PEX14: variants seen among roughly 807,000 people sequenced by gnomAD.
The protein encoded by PEX14 is peroxisomal biogenesis factor 14.
Under a neutral mutation model 49.5 loss-of-function variants are expected in PEX14, and 15 were observed. The observed-to-expected ratio is 0.30, with a 90% confidence interval of 0.20 to 0.47. PEX14 has a LOEUF of 0.47. PEX14 is among the 20% of genes least tolerant of loss of function. PEX14 has a pLI of 1.00. For missense variants in PEX14, 398 were observed against 494.8 expected (o/e 0.80, Z 1.86); for synonymous variants, 210 against 212.7 (o/e 0.99, Z 0.11).
At chr1:10,476,569 C>T (rs778393491) in intron 1 of PEX14, among the ~76,000 whole-genome samples, 3 of 152,104 alleles carry the variant, frequency 2.0e-5, no homozygotes, top group African/African-American at 7.2e-5. Context: ...GGCGCAATCT[C>T]GGCTCACTGC....
At chr1:10,511,596 T>C (rs1641884898) in intron 2 of PEX14, among the ~76,000 whole-genome samples, 1 of 152,226 alleles carries the variant, frequency 6.6e-6, no homozygotes, top group Non-Finnish European at 1.5e-5. Context: ...CTGTGGACTA[T>C]GGACTCCTGA....
chr1:10,560,718 C>CTTTTTTTTTTTTTTTTTTTTTT (rs34964492), intron 3 of PEX14, among the ~76,000 whole-genome samples: 1 of 129,092 alleles, frequency 7.7e-6, no homozygotes. Context: ...ATTTTGCCAC[C>CTTTTTTTTTTTTTTTTTTTTTT]TTTTTTTTTT....
chr1:10,581,418 G>A (rs952530691), intron 3 of PEX14, among the ~76,000 whole-genome samples: 2 of 146,866 alleles, frequency 1.4e-5, no homozygotes, highest in African/African-American at 2.5e-5. Flanking sequence ...GCAATTCTCT[G>A]TCTCAGCCTC....
chr1:10,566,480 C>A (rs544947120), intron 3 of PEX14, among the ~76,000 whole-genome samples: 6 of 135,662 alleles, frequency 4.4e-5, no homozygotes, highest in African/African-American at 1.6e-4. Flanking sequence ...TCTATCATTT[C>A]TTTTATGACT....
chr1:10,570,372 C>T (rs749633782), intron 3 of PEX14, among the ~76,000 whole-genome samples: 2 of 151,972 alleles, frequency 1.3e-5, no homozygotes, highest in Non-Finnish European at 2.9e-5. Context: ...CTTGCTCTGT[C>T]GCCAGGCTGG....
At chr1:10,515,920 T>A (rs1641961776) in intron 2 of PEX14, among the ~76,000 whole-genome samples, 1 of 152,160 alleles carries the variant, frequency 6.6e-6, no homozygotes, top group African/African-American at 2.4e-5. Context: ...AGCCTCTGTG[T>A]GTTGGGCATA....
At chr1:10,526,084 G>T (rs572595972) in intron 2 of PEX14, among the ~76,000 whole-genome samples, 3 of 151,040 alleles carry the variant, frequency 2.0e-5, no homozygotes, top group Admixed American at 6.6e-5. Context: ...GCCACACCCG[G>T]CTAATTTTTT....
intron 2 of PEX14, among the ~76,000 whole-genome samples, chr1:10,531,532 C>T (rs1288405978): frequency 6.6e-6 from 1 of 152,076 alleles, no homozygotes; most frequent in African/African-American, 2.4e-5. Context: ...TTCTGAGCAG[C>T]GCACGTGGAG....
chr1:10,614,661 G>T (rs927191318), intron 4 of PEX14, among the ~76,000 whole-genome samples: 3 of 152,168 alleles, frequency 2.0e-5, no homozygotes, highest in African/African-American at 7.2e-5. Context: ...CTGCTTTCTT[G>T]CAAGAGGCTT....
At chr1:10,487,541 G>C (rs1342825716) in intron 1 of PEX14, among the ~76,000 whole-genome samples, 1 of 127,982 alleles carries the variant, frequency 7.8e-6, no homozygotes, top group African/African-American at 2.9e-5. Context: ...CTGGAGTGCA[G>C]TGGCGTGATC....
chr1:10,612,478 C>T (rs1180612721), intron 4 of PEX14, among the ~76,000 whole-genome samples: 15 of 152,184 alleles, frequency 9.9e-5, no homozygotes, highest in Admixed American at 9.2e-4. Flanking sequence ...ATGGGATGTA[C>T]GTGTAAATAC....
chr1:10,624,083 G>A (rs919035741), intron 6 of PEX14, among the ~76,000 whole-genome samples: 2 of 152,198 alleles, frequency 1.3e-5, no homozygotes, highest in African/African-American at 4.8e-5. Context: ...AATTAGAGGG[G>A]AGAGGTTCTG....
chr1:10,541,999 T>G (rs904728568), intron 3 of PEX14, among the ~76,000 whole-genome samples: 1 of 152,210 alleles, frequency 6.6e-6, no homozygotes, highest in Non-Finnish European at 1.5e-5. Context: ...AACTGAAGAC[T>G]GATTCTTTTC....
chr1:10,597,601 G>A lies in PEX14; in HGVS notation c.170-1637G>A, dbSNP rs1345199266. Among the ~76,000 whole-genome samples, 1 of 152,190 alleles carries A rather than the reference G, an allele frequency of 6.6e-6. No homozygotes were observed. The highest frequency in any genetic ancestry group is 2.4e-5 in the African/African-American group (1 of 41,432). On this transcript the variant is annotated intron_variant, in intron 3 of 8. Transcript: ENST00000356607. This position sits in a 1 kb window ranked among gnomAD's most constrained non-coding sequence, Gnocchi z 5.7. ...CTTTTGTCTTTGGAAGGTGGTACGT[G>A]ATGCGCTGTGAACCCTGGAAGCATT...
rs925607630 is a variant in PEX14, at chr1:10,495,145, G to A, written c.37-129G>A. The A allele has an allele frequency of 2.4e-5, 38 of 1,556,558 alleles. 1 individual carries two copies. The Admixed American group carries it at 2.8e-4, about 11-fold the overall frequency. ...GTCCACTGCAAAATACTCTTGTGTC[G>A]TGAAAAACCAGTGAGAGATGTGAGA... On this transcript the variant is annotated intron_variant, in intron 1 of 8. Transcript: ENST00000356607. This position sits in a 1 kb window ranked among gnomAD's most constrained non-coding sequence, Gnocchi z 4.2.
chr1:10,516,763 C>A (rs1641976864), intron 2 of PEX14, among the ~76,000 whole-genome samples: 1 of 152,176 alleles, frequency 6.6e-6, no homozygotes, highest in Non-Finnish European at 1.5e-5. Flanking sequence ...AGAAGGAAAA[C>A]CAGTACTTTA....
intron 2 of PEX14, among the ~76,000 whole-genome samples, chr1:10,518,581 A>C (rs1557823127): frequency 6.6e-6 from 1 of 152,236 alleles, no homozygotes; most frequent in East Asian, 1.9e-4. Context: ...ATAGAACACA[A>C]GTGTCCAAGA....
At chr1:10,534,954 A>C (rs1180746046) in intron 2 of PEX14, among the ~76,000 whole-genome samples, 1 of 152,172 alleles carries the variant, frequency 6.6e-6, no homozygotes, top group Non-Finnish European at 1.5e-5. Flanking sequence ...AATATGGGGA[A>C]GGAGATGATT....
chr1:10,584,727 C>T (rs1640429556), intron 3 of PEX14, among the ~76,000 whole-genome samples: 1 of 152,138 alleles, frequency 6.6e-6, no homozygotes, highest in Non-Finnish European at 1.5e-5. Context: ...AAAATACAGA[C>T]ATTTCCAGGC....
Sources: allele counts gnomAD v4.1 joint callset (sites outside exome capture counted in the v4.1 genomes callset), GRCh38; gene constraint gnomAD v4.1.1; non-coding constraint Gnocchi (gnomAD v3.1); transcripts MANE v1.5; gene names NCBI Gene and HGNC (gene_info 2026-07-23, HGNC 2026-07-21).